CDK14: variants seen among roughly 807,000 people sequenced by gnomAD.
CDK14 encodes cyclin dependent kinase 14.
A neutral mutation model predicts 60.7 loss-of-function variants in CDK14; 34 were observed. The observed-to-expected ratio is 0.56, with a 90% confidence interval of 0.43 to 0.75. The LOEUF is 0.75. Among genes scored for constraint, CDK14 ranks in the 30% least tolerant of loss-of-function variants. The pLI, the probability that CDK14 is intolerant of heterozygous loss-of-function variation, is 0.00. For synonymous variants in CDK14, 197 were observed against 203.7 expected (o/e 0.97, Z 0.28); for missense variants, 482 against 564.1 (o/e 0.85, Z 1.47).
intron 1 of CDK14, 127 bp downstream of exon 1, chr7:90,596,845 C>A (rs1438474246): frequency 9.2e-6 from 7 of 761,178 alleles, no homozygotes; most frequent in East Asian, 5.4e-5. Flanking sequence ...AGGCGGGGAT[C>A]GAGGGCACAG....
intron 5 of CDK14, among the ~76,000 whole-genome samples, chr7:90,804,608 C>G (rs1788755629): frequency 3.3e-5 from 5 of 151,998 alleles, no homozygotes; most frequent in African/African-American, 1.2e-4. Flanking sequence ...GGGTGTCTGC[C>G]AACTGATATC....
intron 8 of CDK14, among the ~76,000 whole-genome samples, chr7:90,951,322 CTATAA>C (rs994581079): frequency 6.6e-6 from 1 of 151,894 alleles, no homozygotes; most frequent in African/African-American, 2.4e-5. Flanking sequence ...GGGAGTTGCT[CTATAA>C]TATAATATGA....
At chr7:90,664,927 C>A (rs551271930) in intron 2 of CDK14, among the ~76,000 whole-genome samples, 2 of 152,160 alleles carry the variant, frequency 1.3e-5, no homozygotes, top group East Asian at 3.9e-4. Flanking sequence ...TACTGTAAAA[C>A]TTAAAGTATA....
At chr7:90,811,368 A>G (rs1421033475) in intron 5 of CDK14, among the ~76,000 whole-genome samples, 3 of 152,094 alleles carry the variant, frequency 2.0e-5, no homozygotes, top group Admixed American at 1.3e-4. Context: ...CAATGGGGAA[A>G]GGATTCCCTA....
intron 2 of CDK14, among the ~76,000 whole-genome samples, chr7:90,724,297 G>C (rs903993925): frequency 3.3e-5 from 5 of 150,844 alleles, no homozygotes; most frequent in African/African-American, 1.2e-4. Flanking sequence ...TATTGGCGAT[G>C]TATATTTTCT....
chr7:90,807,712 C>T (rs1488970473), intron 5 of CDK14, among the ~76,000 whole-genome samples: 3 of 152,144 alleles, frequency 2.0e-5, no homozygotes, highest in African/African-American at 7.2e-5. Flanking sequence ...AAGTTAAAAA[C>T]CTTGAAAAAA....
At chr7:91,041,285 A>G (rs1797083701) in intron 10 of CDK14, among the ~76,000 whole-genome samples, 1 of 151,452 alleles carries the variant, frequency 6.6e-6, no homozygotes, top group Non-Finnish European at 1.5e-5. Flanking sequence ...TGTAGCTTGC[A>G]TTTTGGCATT....
At chr7:90,825,722 A>G (rs2117092109) in intron 5 of CDK14, among the ~76,000 whole-genome samples, 1 of 152,256 alleles carries the variant, frequency 6.6e-6, no homozygotes, top group African/African-American at 2.4e-5. Context: ...AATTTTAGGG[A>G]TTTGGGAAAT....
chr7:90,804,417 T>C (rs1357967595), intron 5 of CDK14, among the ~76,000 whole-genome samples: 1 of 152,242 alleles, frequency 6.6e-6, no homozygotes, highest in African/African-American at 2.4e-5. Context: ...TTTTAAACCT[T>C]CTAACAATCA....
intron 2 of CDK14, among the ~76,000 whole-genome samples, chr7:90,641,129 T>C (rs958419548): frequency 6.6e-6 from 1 of 151,392 alleles, no homozygotes; most frequent in African/African-American, 2.4e-5. Flanking sequence ...CAAAAACAGG[T>C]AATTGCAAAT....
chr7:90,643,639 G>A (rs896062011), intron 2 of CDK14, among the ~76,000 whole-genome samples: 12 of 152,086 alleles, frequency 7.9e-5, no homozygotes, highest in African/African-American at 2.4e-4. Context: ...GTGTCGAACC[G>A]CTTTATAATA....
chr7:90,710,467 A>G (rs1334565566), intron 2 of CDK14: 3 of 984,958 alleles, frequency 3.0e-6, no homozygotes, highest in Non-Finnish European at 3.6e-6. Context: ...TCTCTAATAT[A>G]TTAGAGACCT....
At chr7:91,110,373 A>G (rs890344939) in intron 12 of CDK14, among the ~76,000 whole-genome samples, 4 of 152,202 alleles carry the variant, frequency 2.6e-5, no homozygotes, top group East Asian at 1.9e-4. Context: ...AATATAGTCA[A>G]CAATTTACTG....
intron 2 of CDK14, among the ~76,000 whole-genome samples, chr7:90,664,193 C>A (rs1429944180): frequency 6.6e-6 from 1 of 152,242 alleles, no homozygotes; most frequent in African/African-American, 2.4e-5. Context: ...AAAAAATGCT[C>A]ATCATCACTG....
At chr7:90,603,292 C>G (rs1014576978) in intron 1 of CDK14, among the ~76,000 whole-genome samples, 6 of 152,084 alleles carry the variant, frequency 3.9e-5, no homozygotes, top group African/African-American at 1.4e-4. Context: ...GAAAAAATTC[C>G]AGTTCTAAAG....
At chr7:90,621,663 T>TCCTG (rs1291538401) in intron 2 of CDK14, among the ~76,000 whole-genome samples, 1,958 of 112,366 alleles carry the variant, frequency 0.017, 16 homozygotes, top group African/African-American at 0.026. Flanking sequence ...CTTCCTTCCT[T>TCCTG]CCTTCCTGCC....
intron 5 of CDK14, among the ~76,000 whole-genome samples, chr7:90,795,244 T>C (rs1379344942): frequency 6.6e-6 from 1 of 152,160 alleles, no homozygotes; most frequent in Non-Finnish European, 1.5e-5. Context: ...TTGGAAAAAT[T>C]CCTTAGTGGC....
intron 10 of CDK14, among the ~76,000 whole-genome samples, chr7:91,017,124 A>G (rs1796320924): frequency 6.6e-6 from 1 of 152,210 alleles, no homozygotes; most frequent in Non-Finnish European, 1.5e-5. Context: ...TCTATTTTCT[A>G]TGAAGTTAAT....
Position 90,740,336 on chromosome 7 carries a change from G to A in CDK14, c.370-7345G>A, listed in dbSNP as rs541985098. 1.7e-4 allele frequency among the ~76,000 whole-genome samples: 26 copies of A among 151,788 alleles called. 1 individual carries two copies. The South Asian group carries it at 5.4e-3, about 32-fold the overall frequency. On this transcript the variant is annotated intron_variant, in intron 3 of 14. Coordinates refer to ENST00000380050, the MANE Select transcript of CDK14 (RefSeq NM_001287135.2). ...TGTGTGTGTGTGTTATGGGCTGAAT[G>A]GTGTTCCCTTAAAATTCATATGTTG...
Sources: gnomAD v4.1 joint callset for allele counts (sites outside exome capture counted in the v4.1 genomes callset) on GRCh38, gnomAD v4.1.1 for gene constraint, MANE v1.5 for transcripts, NCBI Gene and HGNC (gene_info 2026-07-23, HGNC 2026-07-21) for gene names.